Variants in CASK observed in about 807,000 individuals in gnomAD.
CASK encodes peripheral plasma membrane protein CASK.
Under a neutral mutation model 82.9 loss-of-function variants are expected in CASK, and 4 were observed. The observed-to-expected ratio is 0.05, with a 90% CI of 0.02 to 0.11. The LOEUF is 0.11. CASK is among the 10% of genes least tolerant of loss of function. The pLI is 1.00. For synonymous variants in CASK, 259 were observed against 253.5 expected (o/e 1.02, Z -0.20); for missense variants, 358 against 720.9 (o/e 0.50, Z 5.76).
intron 16 of CASK, among the ~76,000 whole-genome samples, chrX:41,564,233 C>T (rs995078227): frequency 8.9e-6 from 1 of 112,456 alleles, no homozygotes; most frequent in South Asian, 3.6e-4. Context: ...TGATTAAATT[C>T]AAAACCCATT....
At chrX:41,726,912 T>G (rs2068270831) in intron 5 of CASK, 2 of 384,820 alleles carry the variant, frequency 5.2e-6, no homozygotes, top group East Asian at 8.3e-5. Context: ...TAATTCAATG[T>G]TTTTCTTTTT....
intron 1 of CASK, among the ~76,000 whole-genome samples, chrX:41,885,356 A>G (rs2072029898): frequency 9.6e-6 from 1 of 104,001 alleles, no homozygotes; most frequent in Non-Finnish European, 2.1e-5. Context: ...CAAACCTTAC[A>G]ATGTCGAAAA....
At chrX:41,844,159 C>T (rs2147953220) in intron 2 of CASK, among the ~76,000 whole-genome samples, 1 of 111,600 alleles carries the variant, frequency 9.0e-6, no homozygotes, top group Non-Finnish European at 1.9e-5. Context: ...TGTGTGTTTA[C>T]ATTCATAAGG....
chrX:41,844,322 C>T (rs2071107200), intron 2 of CASK, among the ~76,000 whole-genome samples: 1 of 111,422 alleles, frequency 9.0e-6, no homozygotes, highest in Non-Finnish European at 1.9e-5. Context: ...GTAGAATTCA[C>T]CATTAAGCTA....
intron 2 of CASK, among the ~76,000 whole-genome samples, chrX:41,844,123 A>G (rs760186391): frequency 4.9e-4 from 55 of 111,709 alleles, no homozygotes; most frequent in African/African-American, 1.7e-3. Flanking sequence ...TGCTAAACTC[A>G]GTTTGATAGT....
chrX:41,716,651 T>C (rs1324969268), intron 5 of CASK, among the ~76,000 whole-genome samples: 1 of 112,345 alleles, frequency 8.9e-6, no homozygotes, highest in African/African-American at 3.2e-5. Flanking sequence ...GGGCAATTCC[T>C]AAGTAAGAAA....
intron 8 of CASK, among the ~76,000 whole-genome samples, chrX:41,642,567 T>C (rs1285890596): frequency 8.9e-6 from 1 of 112,478 alleles, no homozygotes; most frequent in Non-Finnish European, 1.9e-5. Context: ...TCTGTTCATA[T>C]CCTTCACCCA....
chrX:41,717,125 A>T (rs1199650704), intron 5 of CASK, among the ~76,000 whole-genome samples: 1 of 110,868 alleles, frequency 9.0e-6, no homozygotes, highest in African/African-American at 3.3e-5. Flanking sequence ...GCCAACCAAG[A>T]CCAGTTTCGA....
intron 2 of CASK, among the ~76,000 whole-genome samples, chrX:41,815,058 G>A (rs1277192030): frequency 9.0e-6 from 1 of 111,078 alleles, no homozygotes. Context: ...TTATGGTTTG[G>A]GGAGGATGAG....
chrX:41,596,178 G>C (rs373127242), intron 12 of CASK, among the ~76,000 whole-genome samples: 8 of 97,893 alleles, frequency 8.2e-5, no homozygotes, highest in African/African-American at 3.0e-4. Flanking sequence ...CTGGGCAACA[G>C]AGTGAGACTC....
intron 5 of CASK, chrX:41,696,053 T>C (rs370941111): frequency 1.0e-4 from 124 of 1,206,619 alleles, no homozygotes; most frequent in Non-Finnish European, 1.4e-4. Context: ...ACATGTACAT[T>C]AGCATTATTT....
intron 5 of CASK, among the ~76,000 whole-genome samples, chrX:41,718,976 G>C (rs1022440792): frequency 8.9e-6 from 1 of 112,388 alleles, no homozygotes. Flanking sequence ...ACCTGGTGGC[G>C]TGGCCTGTGG....
At chrX:41,635,688 G>A (rs998864685) in intron 9 of CASK, 22 of 101,624 alleles carry the variant, frequency 2.2e-4, no homozygotes, top group African/African-American at 7.5e-4. Flanking sequence ...GTGATTACCA[G>A]TTTTCTTTTC....
intron 19 of CASK, 118 bp downstream of exon 19, chrX:41,556,914 T>C: frequency 1.7e-6 from 1 of 577,389 alleles, no homozygotes; most frequent in South Asian, 2.4e-5. Flanking sequence ...GTAGCTGTAG[T>C]AGCCTTGTAT....
intron 10 of CASK, 149 bp from the exon 11 acceptor site, chrX:41,622,783 C>T: frequency 2.7e-6 from 1 of 367,170 alleles, no homozygotes; most frequent in Non-Finnish European, 4.8e-6. Context: ...TCCATGAGTA[C>T]AATCACTGGA....
intron 18 of CASK, chrX:41,559,536 C>A: frequency 2.5e-6 from 1 of 401,135 alleles, no homozygotes; most frequent in Non-Finnish European, 4.4e-6. Context: ...TTTGTAACTT[C>A]TCTACATTTT....
chrX:41,896,984 T>TG (rs1252177579), intron 1 of CASK, among the ~76,000 whole-genome samples: 5 of 112,176 alleles, frequency 4.5e-5, no homozygotes, highest in Admixed American at 9.5e-5. Flanking sequence ...GCCACTTTAG[T>TG]GAATTTGCTT....
intron 10 of CASK, 79 bp downstream of exon 10, chrX:41,626,525 A>G: frequency 1.6e-6 from 1 of 645,139 alleles, no homozygotes; most frequent in Non-Finnish European, 2.6e-6. Context: ...ATGCACAGGA[A>G]AAGTTTATTC....
rs2071275014 is a variant in CASK at position 41,851,987 on chromosome X, T to C, written c.172+1128A>G. ...AAAGTCAATTTTAAATGTTGCTAGA[T>C]TTATAAAATAATTTATATTCAAAAG... On this transcript the variant is annotated intron_variant, in intron 2 of 26. Transcript: ENST00000378163. 2.7e-5 allele frequency among the ~76,000 whole-genome samples: 3 copies of C among 111,466 alleles called. No individual in the cohort carries two copies. In the South Asian group the frequency reaches 1.1e-3, roughly 42 times the overall value.
Sources: gnomAD v4.1 joint callset for allele counts (sites outside exome capture counted in the v4.1 genomes callset) on GRCh38, gnomAD v4.1.1 for gene constraint, MANE v1.5 for transcripts, NCBI Gene and HGNC (gene_info 2026-07-23, HGNC 2026-07-21) for gene names.